Variants in GRIN2C observed in about 807,000 individuals in gnomAD.
GRIN2C encodes the protein glutamate receptor ionotropic, NMDA 2C.
In GRIN2C, 64 loss-of-function variants were observed where a neutral mutation model predicts 77.7. The ratio of observed to expected loss-of-function variants is 0.82; its 90% CI spans 0.67 to 1.01. GRIN2C has a LOEUF of 1.01. Among genes scored for constraint, GRIN2C ranks in the 50% least tolerant of loss-of-function variants. GRIN2C has a pLI of 0.00. For missense variants in GRIN2C, 1,549 were observed against 1,486.0 expected (o/e 1.04, Z -0.70); for synonymous variants, 792 against 643.4 (o/e 1.23, Z -3.49).
chr17:74,850,067 G>A lies in GRIN2C; in HGVS notation c.1492-134C>T. 3.7e-6 allele frequency: 5 copies of A among 1,349,202 alleles called. No homozygotes were observed. Among genetic ancestry groups the A allele is most frequent in the Non-Finnish European group, 4.1e-6 (4 of 971,966 alleles). The allele number at this position is 1,349,202 out of a possible 1,614,324, so 83.6% of individuals were successfully genotyped here. On this transcript the variant is annotated intron_variant, in intron 6 of 12. Coordinates refer to ENST00000293190, the MANE Select transcript of GRIN2C (RefSeq NM_000835.6). The surrounding 1 kb of genome is among the most constrained non-coding windows in gnomAD (Gnocchi z 5.3). ...TTCCCTCTGGGGCCCTCAGAGCTCA[G>A]CTTTCAGTACTGACCACCCCAGGAG...
chr17:74,842,940 AG>A lies in GRIN2C; in HGVS notation c.3196del (p.Leu1066CysfsTer145). On this transcript the variant is annotated frameshift_variant, in exon 13 of 13. Transcript: ENST00000293190. LOFTEE classifies it low-confidence loss of function (END_TRUNC). ...GCCCCGGGCCCAGGCCGCGTGCAGC[AG>A]GGCCTCCCGCCGGGCCAGCTGCTCC... ...GPEQLARREA[L>X]LHAAWARGSR... 1.8e-6 allele frequency: 1 copy of A among 560,750 alleles called. No individual in the cohort carries two copies. Among genetic ancestry groups the A allele is most frequent in the Non-Finnish European group, 3.1e-6 (1 of 318,946 alleles). The allele number at this position is 560,750 out of a possible 1,614,324, so 34.7% of individuals were successfully genotyped here. A position where few individuals can be genotyped will look rare whatever the true frequency, so the allele number is the denominator to read the frequency against.
chr17:74,847,272 G>GCCCCCCCCCCCCCC lies in GRIN2C; in HGVS notation c.2001+35_2001+36insGGGGGGGGGGGGGG. The GCCCCCCCCCCCCCC allele has an allele frequency of 1.4e-6, 1 of 692,326 alleles. No individual in the cohort carries two copies. The highest frequency in any genetic ancestry group is 2.6e-6 in the Non-Finnish European group (1 of 384,402). The allele number at this position is 692,326 out of a possible 1,614,324, so 42.9% of individuals were successfully genotyped here. A position where few individuals can be genotyped will look rare whatever the true frequency, so the allele number is the denominator to read the frequency against. ...CTCACGGCCTGTCCCCACCCTCAGT[G>GCCCCCCCCCCCCCC]CCCCCCCCCACCCCCAGCAGCTATG... On this transcript the variant is annotated intron_variant, in intron 9 of 12. Coordinates refer to ENST00000293190, the MANE Select transcript of GRIN2C (RefSeq NM_000835.6). This position sits in a 1 kb window ranked among gnomAD's most constrained non-coding sequence, Gnocchi z 5.2.
chr17:74,855,479 C>T (rs2037795284), intron 1 of GRIN2C, among the ~76,000 whole-genome samples: 1 of 152,212 alleles, frequency 6.6e-6, no homozygotes, highest in Non-Finnish European at 1.5e-5. Flanking sequence ...TCAGACAGAT[C>T]TGAGTTCGTG....
chr17:74,850,091 A>G lies in GRIN2C; in HGVS notation c.1491+115T>C. On this transcript the variant is annotated intron_variant, in intron 6 of 12. Transcript: ENST00000293190. This position sits in a 1 kb window ranked among gnomAD's most constrained non-coding sequence, Gnocchi z 5.3. ...AGCTTTCAGTACTGACCACCCCAGG[A>G]GTCATCATTGGTGACAGCCCATGCC... 7.4e-7 allele frequency: 1 copy of G among 1,358,310 alleles called. No individual in the cohort carries two copies. The highest frequency in any genetic ancestry group is 1.0e-6 in the Non-Finnish European group (1 of 972,394). The allele number at this position is 1,358,310 out of a possible 1,614,324, so 84.1% of individuals were successfully genotyped here.
Position 74,846,574 on chromosome 17 carries a change from G to A in GRIN2C, c.2162+186C>T, listed in dbSNP as rs1278564313. The stretch of plus-strand genomic sequence containing the variant: ...CTGAACTTTGATTGGCACCACAGCT[G>A]TGTTCTGAGACACATGGTGGCCTTC... On this transcript the variant is annotated intron_variant, in intron 10 of 12. Coordinates refer to ENST00000293190, the MANE Select transcript of GRIN2C (RefSeq NM_000835.6). This position sits in a 1 kb window ranked among gnomAD's most constrained non-coding sequence, Gnocchi z 4.4. Among the ~76,000 whole-genome samples the A allele has an allele frequency of 6.6e-6, 1 of 152,182 alleles. No individual in the cohort carries two copies. The highest frequency in any genetic ancestry group is 2.4e-5 in the African/African-American group (1 of 41,434).
At chr17:74,843,805 T>C (rs2037376755) in intron 12 of GRIN2C, among the ~76,000 whole-genome samples, 1 of 151,806 alleles carries the variant, frequency 6.6e-6, no homozygotes, top group South Asian at 2.1e-4. Flanking sequence ...TGGGCACACC[T>C]GTGGGGGGGA....
Position 74,854,941 on chromosome 17 carries a change from G to T in GRIN2C, c.152C>A (p.Thr51Asn), listed in dbSNP as rs756373314. ...GGGTAGGTCCAGGAAGCTCTGGGGG[G>T]TGAGGCGGGCACGGAACTGGGCCTG... ...PPQAQFRARLTPQSFLDLPLE... is the reference protein window; with the variant it reads ...PPQAQFRARLNPQSFLDLPLE... The change falls in exon 2 of 13, where the codon ACC (threonine) becomes AAC (asparagine). Residue 51 changes from threonine (T) to asparagine (N), a missense_variant. Transcript: ENST00000293190. 1.2e-6 allele frequency: 2 copies of T among 1,613,410 alleles called. No individual in the cohort carries two copies. Among genetic ancestry groups the T allele is most frequent in the Non-Finnish European group, 1.7e-6 (2 of 1,179,970 alleles).
chr17:74,856,039 G>T (rs959922341), intron 1 of GRIN2C, among the ~76,000 whole-genome samples: 1 of 152,224 alleles, frequency 6.6e-6, no homozygotes, highest in Admixed American at 6.5e-5. Context: ...TCACTGGCGT[G>T]CAGGATCTTT....
In GRIN2C at chr17:74,851,998, C is replaced by G; in HGVS notation, c.998+15G>C. The G allele has an allele frequency of 6.8e-7, 1 of 1,464,706 alleles. No individual in the cohort carries two copies. The highest frequency in any genetic ancestry group is 2.5e-5 in the East Asian group (1 of 40,410). 90.7% of individuals were successfully genotyped at this position (1,464,706 alleles called of 1,614,324 possible). A position where few individuals can be genotyped will look rare whatever the true frequency, so the allele number is the denominator to read the frequency against. On this transcript the variant is annotated intron_variant, in intron 3 of 12. Coordinates refer to ENST00000293190, the MANE Select transcript of GRIN2C (RefSeq NM_000835.6). ...TCCCCACCTCCCTACCCCTATGCCC[C>G]GGGCAGGTGCCCACCTGTAGAAGGC...
chr17:74,855,194 C>G, intron 1 of GRIN2C, 87 bp from the exon 2 acceptor site: 1 of 1,083,014 alleles, frequency 9.2e-7, no homozygotes, highest in South Asian at 1.8e-5. Context: ...GAGGGACACA[C>G]ATACGGAAGA....
Position 74,849,801 on chromosome 17 carries a change from C to A in GRIN2C, c.1624G>T (p.Val542Phe). Residue 542 changes from valine to phenylalanine, a missense_variant, in exon 7 of 13, where the codon GTC (valine) becomes TTC (phenylalanine). By Grantham distance (50) the Val-to-Phe change is conservative (BLOSUM62 -1). Around this residue, in one of 3 missense-constraint regions of GRIN2C, gnomAD observed 717 missense variants for 858.1 expected, o/e 0.84. Coordinates refer to ENST00000293190, the MANE Select transcript of GRIN2C (RefSeq NM_000835.6). This position sits in a 1 kb window ranked among gnomAD's most constrained non-coding sequence, Gnocchi z 4.6. ...TCACCCAAGAAGGCCGAGGGGGAGA[C>A]GGTGCCATTGCTGCGAGCCACCATC... ...SVMVARSNGT[V>F]SPSAFLEPYS... 1 of 1,612,548 alleles carries A rather than the reference C, an allele frequency of 6.2e-7. No individual in the cohort carries two copies. Among genetic ancestry groups the A allele is most frequent in the Non-Finnish European group, 8.5e-7 (1 of 1,179,554 alleles).
In GRIN2C at chr17:74,852,119, G is replaced by A. The variant is rs1012595732; in HGVS notation, c.892C>T (p.Leu298=). The A allele has an allele frequency of 1.5e-5, 22 of 1,461,956 alleles. No individual in the cohort carries two copies. The African/African-American group carries it at 2.9e-4, about 19-fold the overall frequency. The allele number at this position is 1,461,956 out of a possible 1,614,324, so 90.6% of individuals were successfully genotyped here. ...KVRDGVAILA[L]GAHSYWRQHG... is the part of the protein sequence containing the mutation. ...TGGCGCCAGTAGCTGTGGGCGCCCA[G>A]GGCCAGAATGGCCACGCCGTCGCGC... The change falls in exon 3 of 13, where the codon CTG becomes TTG. Residue 298 remains leucine, a synonymous_variant. Transcript: ENST00000293190.
intron 1 of GRIN2C, 120 bp from the exon 2 acceptor site, chr17:74,855,227 T>G: frequency 2.7e-6 from 2 of 734,766 alleles, no homozygotes; most frequent in African/African-American, 1.8e-5. Context: ...GGGGAAAACC[T>G]CCCTCCCCGA....
Position 74,855,069 on chromosome 17 carries a change from G to T in GRIN2C, c.24C>A (p.Ala8=). 1 of 1,593,120 alleles carries T rather than the reference G, an allele frequency of 6.3e-7. No individual in the cohort carries two copies. The highest frequency in any genetic ancestry group is 8.5e-7 in the Non-Finnish European group (1 of 1,175,900). Reference sequence around the variant, plus strand: ...CACCGAAGAGCGAGGTGAGCAACAGGGCCGGCCCCAGGGCCCCACCCATGT... The same window carrying T: ...CACCGAAGAGCGAGGTGAGCAACAGTGCCGGCCCCAGGGCCCCACCCATGT... MGGALGP[A]LLLTSLFGAW... Residue 8 remains alanine (A), a synonymous_variant, in exon 2 of 13, where the codon GCC becomes GCA. Coordinates refer to ENST00000293190, the MANE Select transcript of GRIN2C (RefSeq NM_000835.6).
chr17:74,847,467 T>TGAG lies in GRIN2C; in HGVS notation c.1839_1841dup (p.Ser614dup), dbSNP rs1483700544. 6.2e-7 allele frequency: 1 copy of TGAG among 1,613,874 alleles called. No homozygotes were observed. Among genetic ancestry groups the TGAG allele is most frequent in the African/African-American group, 1.3e-5 (1 of 74,892 alleles). On this transcript the variant is annotated inframe_insertion, in exon 9 of 13. Coordinates refer to ENST00000293190, the MANE Select transcript of GRIN2C (RefSeq NM_000835.6). This position sits in a 1 kb window ranked among gnomAD's most constrained non-coding sequence, Gnocchi z 5.2. ...TGCCCCGCGGGTTCTCGATGGGCAC[T>TGAG]GAGTTGTTGAAGACCAGCGCCCACA...
Position 74,843,506 on chromosome 17 carries a change from C to T in GRIN2C, c.2631G>A (p.Pro877=), listed in dbSNP as rs1179200354. 1 of 1,533,588 alleles carries T rather than the reference C, an allele frequency of 6.5e-7. No homozygotes were observed. The highest frequency in any genetic ancestry group is 8.7e-7 in the Non-Finnish European group (1 of 1,146,452). The allele number at this position is 1,533,588 out of a possible 1,614,324, so 95.0% of individuals were successfully genotyped here. A position where few individuals can be genotyped will look rare whatever the true frequency, so the allele number is the denominator to read the frequency against. ...CCGTGAGGTCCGGGCTGGCCTGCCG[C>T]GGTGGGCTGGCGAGGCTCTGCACCC... The part of the protein sequence containing the change: ...FSGVQSLASP[P]RQASPDLTAS... Residue 877 remains proline (P), a synonymous_variant, in exon 13 of 13, where the codon CCG becomes CCA. Transcript: ENST00000293190.
intron 7 of GRIN2C, among the ~76,000 whole-genome samples, chr17:74,848,210 G>C (rs987674687): frequency 5.9e-5 from 9 of 151,954 alleles, no homozygotes; most frequent in Non-Finnish European, 1.0e-4. Context: ...CCCTGGGACA[G>C]GTACAAGTCA....
Position 74,852,333 on chromosome 17 carries a change from G to A in GRIN2C, c.678C>T (p.Ala226=), listed in dbSNP as rs2037676897. 2 of 1,458,414 alleles carry A rather than the reference G, an allele frequency of 1.4e-6. No homozygotes were observed. Among genetic ancestry groups the A allele is most frequent in the Admixed American group, 2.7e-5 (1 of 37,360 alleles). The allele number at this position is 1,458,414 out of a possible 1,614,324, so 90.3% of individuals were successfully genotyped here. Residue 226 remains alanine (A), a synonymous_variant, in exon 3 of 13, where the codon GCC becomes GCT. Transcript: ENST00000293190. ...CCTCGGCCTCCTCGCGCGAGCAGTA[G>A]GCCACAAACACGGGCGCGTCGAGCT... ...LRQLDAPVFV[A]YCSREEAEVL...
chr17:74,848,009 C>T lies in GRIN2C; in HGVS notation c.1646-32G>A, dbSNP rs539932832. 1.4e-4 allele frequency: 222 copies of T among 1,612,572 alleles called. 3 individuals carry two copies. In the South Asian group the frequency reaches 2.1e-3, roughly 15 times the overall value. On this transcript the variant is annotated intron_variant, in intron 7 of 12. Coordinates refer to ENST00000293190, the MANE Select transcript of GRIN2C (RefSeq NM_000835.6). ...ACAGAGGGAGGCAGCTCAGAGGCCT[C>T]GGCATGTTCCCTGCCCCAGGCCCAG... is the stretch of plus-strand genomic sequence containing the variant.
Sources: allele counts gnomAD v4.1 joint callset (sites outside exome capture counted in the v4.1 genomes callset), GRCh38; gene constraint gnomAD v4.1.1; regional missense constraint gnomAD v4.1.1; non-coding constraint Gnocchi (gnomAD v3.1); transcripts MANE v1.5; gene names NCBI Gene and HGNC (gene_info 2026-07-23, HGNC 2026-07-21).